CD200: variants seen among roughly 807,000 people sequenced by gnomAD.
The protein encoded by CD200 is CD200 molecule.
A neutral mutation model predicts 30.9 loss-of-function variants in CD200; 15 were observed. That is an observed-to-expected ratio of 0.49 (90% confidence interval 0.32 to 0.75). The LOEUF is 0.75. CD200 is among the 30% of genes least tolerant of loss of function. The probability of loss-of-function intolerance (pLI) is 0.03; values close to 1 mark genes in which losing one functional copy is unlikely to be tolerated. For missense variants in CD200, 262 were observed against 324.2 expected, an observed-to-expected ratio of 0.81 and a Z score of 1.47; for synonymous variants, 134 against 126.2, an observed-to-expected ratio of 1.06 and a Z score of -0.41.
At position 112,361,605 on chromosome 3, in the gene CD200, A is replaced by G; in HGVS notation, c.*55A>G. ...CCCTGGTCTACTTGAATTTGACACA[A>G]GAGAAAAGCAGGAGGAAAAGGGGCC... On this transcript the variant is annotated 3_prime_UTR_variant, in exon 6 of 6. Coordinates refer to ENST00000315711, the MANE Select transcript of CD200 (RefSeq NM_005944.7). 6.6e-7 allele frequency: 1 copy of G among 1,511,154 alleles called. No homozygotes were observed. The highest frequency in any genetic ancestry group is 2.3e-5 in the East Asian group (1 of 44,400). 93.6% of individuals were successfully genotyped at this position (1,511,154 alleles called of 1,614,324 possible).
At chr3:112,346,749 C>T (rs1334762407) in intron 3 of CD200, among the ~76,000 whole-genome samples, 2 of 152,056 alleles carry the variant, frequency 1.3e-5, no homozygotes, top group East Asian at 3.8e-4. Flanking sequence ...GGCTCCAAAG[C>T]CAACCACAGA....
upstream of CD200, chr3:112,333,124 G>A: frequency 2.6e-6 from 4 of 1,531,766 alleles, no homozygotes; most frequent in Non-Finnish European, 2.6e-6. Flanking sequence ...GTGCGGCAGG[G>A]GCACAGGTGA....
At chr3:112,360,334 ATAT>A (rs759042470) in intron 5 of CD200, among the ~76,000 whole-genome samples, 6 of 148,898 alleles carry the variant, frequency 4.0e-5, no homozygotes, top group Non-Finnish European at 5.9e-5. Context: ...TCTAAAAAAA[ATAT>A]ATATATATAT....
chr3:112,359,001 C>T (rs1393232464), intron 5 of CD200, among the ~76,000 whole-genome samples: 2 of 152,226 alleles, frequency 1.3e-5, no homozygotes, highest in Non-Finnish European at 2.9e-5. Context: ...ATCACATTCT[C>T]TACAAGTGTC....
chr3:112,353,581 TCTC>T (rs2081575608), intron 5 of CD200, among the ~76,000 whole-genome samples: 2 of 152,164 alleles, frequency 1.3e-5, no homozygotes, highest in African/African-American at 4.8e-5. Context: ...CATGTGACTT[TCTC>T]CTATTTTAAG....
At chr3:112,346,370 T>C (rs1458408912) in intron 3 of CD200, among the ~76,000 whole-genome samples, 1 of 152,074 alleles carries the variant, frequency 6.6e-6, no homozygotes, top group African/African-American at 2.4e-5. Flanking sequence ...TCACCTTTCT[T>C]TCTCTTAGTC....
intron 5 of CD200, among the ~76,000 whole-genome samples, chr3:112,352,856 G>A (rs527242213): frequency 3.3e-5 from 5 of 152,138 alleles, no homozygotes; most frequent in Non-Finnish European, 7.4e-5. Context: ...CTTTTCTTGT[G>A]ATCCTGTATA....
At chr3:112,336,573 A>C (rs959181866) in intron 1 of CD200, among the ~76,000 whole-genome samples, 4 of 152,068 alleles carry the variant, frequency 2.6e-5, no homozygotes, top group Middle Eastern at 3.4e-3. Flanking sequence ...ACCCTTTAGC[A>C]ATGATCCTGA....
chr3:112,342,846 T>C (rs1408405325), intron 2 of CD200, among the ~76,000 whole-genome samples: 1 of 152,244 alleles, frequency 6.6e-6, no homozygotes, highest in Non-Finnish European at 1.5e-5. Flanking sequence ...TGTAAATTTC[T>C]AATTTTATTG....
intron 2 of CD200, among the ~76,000 whole-genome samples, chr3:112,342,926 G>C (rs12106675): frequency 0.11 from 16,820 of 152,098 alleles, 1,114 homozygotes; most frequent in South Asian, 0.27. Flanking sequence ...AGTTCAATTT[G>C]GAGGAAGGTT....
intron 4 of CD200, 82 bp downstream of exon 4, chr3:112,347,912 C>T: frequency 8.0e-7 from 1 of 1,255,680 alleles, no homozygotes; most frequent in Non-Finnish European, 1.1e-6. Flanking sequence ...CAGAGGTTTT[C>T]AGCCTCTTAG....
chr3:112,349,606 A>G, intron 4 of CD200, 106 bp from the exon 5 acceptor site: 4 of 733,752 alleles, frequency 5.5e-6, no homozygotes. Context: ...ATAAACCTAC[A>G]TATGTATGTA....
chr3:112,357,570 G>A (rs1164458551), intron 5 of CD200, among the ~76,000 whole-genome samples: 1 of 152,202 alleles, frequency 6.6e-6, no homozygotes, highest in Non-Finnish European at 1.5e-5. Flanking sequence ...TTGTACAAAT[G>A]TTCAAGGAAG....
intron 5 of CD200, chr3:112,350,109 C>T (rs1197452726): frequency 3.5e-6 from 1 of 287,210 alleles, no homozygotes; most frequent in Admixed American, 6.5e-5. Context: ...CACACAAGGC[C>T]CTTTCCACTC....
At chr3:112,345,425 A>G (rs1171937951) in intron 3 of CD200, 137 bp downstream of exon 3, 4 of 668,302 alleles carry the variant, frequency 6.0e-6, no homozygotes, top group Non-Finnish European at 7.8e-6. Context: ...CTTGTCTACT[A>G]TAGCTGTGTT....
intron 4 of CD200, among the ~76,000 whole-genome samples, chr3:112,349,315 A>C (rs1404189045): frequency 6.6e-6 from 1 of 152,262 alleles, no homozygotes. Context: ...TCCTCAATAA[A>C]CATGTATTCT....
intron 4 of CD200, among the ~76,000 whole-genome samples, chr3:112,348,196 A>G (rs1012566977): frequency 3.3e-5 from 5 of 152,210 alleles, no homozygotes; most frequent in Non-Finnish European, 7.3e-5. Flanking sequence ...GGGAATAGAG[A>G]TAAATGGATG....
chr3:112,342,357 C>A (rs1435739874), intron 2 of CD200, among the ~76,000 whole-genome samples: 1 of 14,124 alleles, frequency 7.1e-5, no homozygotes, highest in Non-Finnish European at 1.4e-4. Flanking sequence ...TTCTTTCTTT[C>A]TTTCTTTCTT....
chr3:112,333,607 A>T (rs988127045), intron 1 of CD200: 12 of 985,388 alleles, frequency 1.2e-5, no homozygotes, highest in Non-Finnish European at 1.2e-5. Flanking sequence ...GCCTATTTTA[A>T]ACTGCCCCCA....
Sources: allele counts gnomAD v4.1 joint callset (sites outside exome capture counted in the v4.1 genomes callset), GRCh38; gene constraint gnomAD v4.1.1; transcripts MANE v1.5; gene names NCBI Gene and HGNC (gene_info 2026-07-23, HGNC 2026-07-21).